FSD2: variants seen among roughly 807,000 people sequenced by gnomAD.
FSD2 encodes the protein fibronectin type III and SPRY domain containing 2, also known as fibronectin type III and SPRY domain-containing protein 2.
FSD2 carries 71 observed loss-of-function variants against 80.4 expected under a neutral mutation model. The ratio of observed to expected loss-of-function variants is 0.88; its 90% CI spans 0.73 to 1.08. FSD2 has a LOEUF of 1.08. Ranked by LOEUF, FSD2 falls within the 50% of genes least tolerant of loss-of-function variation. The probability of loss-of-function intolerance (pLI) is 0.00; values close to 1 mark genes in which losing one functional copy is unlikely to be tolerated. For synonymous variants in FSD2, 361 were observed against 329.5 expected (o/e 1.10, Z -1.03); for missense variants, 923 against 913.8 (o/e 1.01, Z -0.13).
chr15:82,781,709 C>G (rs915844355), intron 4 of FSD2, among the ~76,000 whole-genome samples: 3 of 152,080 alleles, frequency 2.0e-5, no homozygotes, highest in Non-Finnish European at 4.4e-5. Context: ...CCTTTTCAGC[C>G]TTGACAACTT....
chr15:82,801,164 C>A (rs1347190441), intron 1 of FSD2, among the ~76,000 whole-genome samples: 1 of 152,138 alleles, frequency 6.6e-6, no homozygotes, highest in Admixed American at 6.6e-5. Flanking sequence ...CTCTTGATTC[C>A]TATCCTGGGA....
At chr15:82,791,022 G>A (rs1047889714) in intron 1 of FSD2, among the ~76,000 whole-genome samples, 13 of 150,530 alleles carry the variant, frequency 8.6e-5, no homozygotes, top group Non-Finnish European at 1.5e-4. Flanking sequence ...TTTTTGAGGC[G>A]GAGTCTCGCT....
intron 6 of FSD2, among the ~76,000 whole-genome samples, chr15:82,777,265 A>G (rs1474206630): frequency 1.3e-5 from 2 of 152,230 alleles, no homozygotes; most frequent in African/African-American, 4.8e-5. Context: ...AGCAAAATAA[A>G]CCATTAACAG....
chr15:82,778,842 T>C lies in FSD2; in HGVS notation c.1035A>G (p.Ala345=), dbSNP rs374698063. ...AGGTCTGGTCTTCAAACTCAGGCTG[T>C]GCAGAGATTTCCACGTCTGTTTTTG... ...LKTKTDVEIS[A]QPEFEDQTLD... The change falls in exon 6 of 13, where the codon GCA becomes GCG. Residue 345 remains alanine, a synonymous_variant. Transcript: ENST00000334574. 173 of 1,613,990 alleles carry C rather than the reference T, an allele frequency of 1.1e-4. No homozygotes were observed. The African/African-American group carries it at 2.0e-3, about 18-fold the overall frequency.
chr15:82,792,678 A>G (rs1372282839), intron 1 of FSD2, among the ~76,000 whole-genome samples: 2 of 152,066 alleles, frequency 1.3e-5, no homozygotes, highest in African/African-American at 4.8e-5. Flanking sequence ...TTTTGATGTC[A>G]TGTCTAATAA....
intron 1 of FSD2, among the ~76,000 whole-genome samples, chr15:82,789,102 G>A (rs905737157): frequency 7.2e-5 from 11 of 151,898 alleles, no homozygotes; most frequent in Admixed American, 1.3e-4. Context: ...ATGTAAAAAT[G>A]CCCACTACAG....
At chr15:82,796,710 C>T (rs1469672623) in intron 1 of FSD2, among the ~76,000 whole-genome samples, 1 of 152,180 alleles carries the variant, frequency 6.6e-6, no homozygotes, top group South Asian at 2.1e-4. Context: ...TCTCTTTCTC[C>T]CCTTTCCCTC....
chr15:82,801,423 C>A (rs2050410142), intron 1 of FSD2, among the ~76,000 whole-genome samples: 2 of 152,196 alleles, frequency 1.3e-5, no homozygotes, highest in Admixed American at 1.3e-4. Context: ...AACCAACCAG[C>A]CTTCTCTGAT....
intron 3 of FSD2, among the ~76,000 whole-genome samples, chr15:82,785,632 A>G (rs1272937323): frequency 1.3e-5 from 2 of 152,208 alleles, no homozygotes; most frequent in East Asian, 3.9e-4. Flanking sequence ...CCATAAATTT[A>G]TTTTTTAAAT....
intron 9 of FSD2, among the ~76,000 whole-genome samples, chr15:82,766,821 C>T (rs975000786): frequency 3.3e-5 from 5 of 151,702 alleles, no homozygotes; most frequent in Admixed American, 2.6e-4. Flanking sequence ...CTGCTGTTAA[C>T]CCCCTAACAG....
chr15:82,782,540 C>A (rs1171616537), intron 4 of FSD2, among the ~76,000 whole-genome samples: 2 of 152,216 alleles, frequency 1.3e-5, no homozygotes, highest in Non-Finnish European at 2.9e-5. Flanking sequence ...GCTGCCTCTG[C>A]GCTGGGGGAG....
At chr15:82,782,737 G>A (rs1366995946) in intron 4 of FSD2, 58 bp downstream of exon 4, 4 of 1,424,608 alleles carry the variant, frequency 2.8e-6, no homozygotes, top group Admixed American at 1.9e-5. Flanking sequence ...TGTCGTTTCC[G>A]TTTATAATTC....
intron 1 of FSD2, among the ~76,000 whole-genome samples, chr15:82,791,497 A>C (rs950753280): frequency 6.6e-6 from 1 of 151,986 alleles, no homozygotes; most frequent in African/African-American, 2.4e-5. Flanking sequence ...CAGCCTCCCA[A>C]GTAGCTGGGA....
At chr15:82,784,230 T>TTTTTTA (rs1567312392) in intron 3 of FSD2, among the ~76,000 whole-genome samples, 1 of 149,274 alleles carries the variant, frequency 6.7e-6, no homozygotes, top group Non-Finnish European at 1.5e-5. Context: ...TGTAAGAAGT[T>TTTTTTA]TTTTATTTTA....
intron 6 of FSD2, among the ~76,000 whole-genome samples, chr15:82,774,328 A>C (rs2049661672): frequency 6.6e-6 from 1 of 152,164 alleles, no homozygotes; most frequent in Non-Finnish European, 1.5e-5. Context: ...TGCCCACCTC[A>C]GCCTCCCAAA....
chr15:82,756,242 A>G lies in FSD2; in HGVS notation c.*3106T>C. 4.0e-6 allele frequency: 1 copy of G among 250,454 alleles called. No homozygotes were observed. Among genetic ancestry groups the G allele is most frequent in the Non-Finnish European group, 8.2e-6 (1 of 121,534 alleles). The allele number at this position is 250,454 out of a possible 1,614,324, so 15.5% of individuals were successfully genotyped here. A position where few individuals can be genotyped will look rare whatever the true frequency, so the allele number is the denominator to read the frequency against. On this transcript the variant is annotated 3_prime_UTR_variant, in exon 13 of 13. Coordinates refer to ENST00000334574, the MANE Select transcript of FSD2 (RefSeq NM_001007122.4). The stretch of plus-strand genomic sequence containing the variant: ...GTAAGTTGAGGAGAGGACTTTTCTT[A>G]TAGTGCAGTCTGGTAGCTGAACCGC...
At position 82,769,808 on chromosome 15, in the gene FSD2, G is replaced by T; in HGVS notation, c.1344C>A (p.Val448=). 1 of 1,613,858 alleles carries T rather than the reference G, an allele frequency of 6.2e-7. No homozygotes were observed. Among genetic ancestry groups the T allele is most frequent in the African/African-American group, 1.3e-5 (1 of 74,990 alleles). ...TGGGGCCAGCCCTGTTGTGAGCTGT[G>T]ACCCAAAATTCATACTGGGTATTTG... ...LVPNTQYEFW[V]TAHNRAGPSP... is the part of the protein sequence containing the mutation. Residue 448 remains valine, a synonymous_variant, in exon 8 of 13, where the codon GTC becomes GTA. Coordinates refer to ENST00000334574, the MANE Select transcript of FSD2 (RefSeq NM_001007122.4).
intron 1 of FSD2, among the ~76,000 whole-genome samples, chr15:82,788,977 TAAAA>T (rs35788113): frequency 7.3e-6 from 1 of 137,444 alleles, no homozygotes; most frequent in Non-Finnish European, 1.6e-5. Flanking sequence ...AGACTCTGTC[TAAAA>T]AAAAAAAAAA....
intron 1 of FSD2, among the ~76,000 whole-genome samples, chr15:82,791,456 T>C (rs975606813): frequency 4.6e-5 from 7 of 151,808 alleles, no homozygotes; most frequent in African/African-American, 1.7e-4. Context: ...CTGCAACCTC[T>C]GCCTCCCGGG....
Sources: allele counts gnomAD v4.1 joint callset (sites outside exome capture counted in the v4.1 genomes callset), GRCh38; gene constraint gnomAD v4.1.1; transcripts MANE v1.5; gene names NCBI Gene and HGNC (gene_info 2026-07-23, HGNC 2026-07-21).